The following VWA8 variants were observed in gnomAD, a reference collection of about 807,000 sequenced individuals.
The protein encoded by VWA8 is von Willebrand factor A domain containing 8.
A neutral mutation model predicts 241.5 loss-of-function variants in VWA8; 221 were observed. The ratio of observed to expected loss-of-function variants is 0.91; its 90% CI spans 0.82 to 1.02. The LOEUF (loss-of-function observed/expected upper bound fraction) is 1.02. Among genes scored for constraint, VWA8 ranks in the 50% least tolerant of loss-of-function variants. The probability of loss-of-function intolerance (pLI) is 0.00; values close to 1 mark genes in which losing one functional copy is unlikely to be tolerated. For missense variants in VWA8, 2,322 were observed against 2,328.7 expected, an observed-to-expected ratio of 1.00 and a Z score of 0.06; for synonymous variants, 852 against 827.1, an observed-to-expected ratio of 1.03 and a Z score of -0.52.
intron 2 of VWA8, among the ~76,000 whole-genome samples, chr13:41,945,639 G>A (rs1279597665): frequency 6.6e-6 from 1 of 152,076 alleles, no homozygotes; most frequent in African/African-American, 2.4e-5. Context: ...AAATTAACCA[G>A]AGGGGCTCAA....
intron 37 of VWA8, among the ~76,000 whole-genome samples, chr13:41,647,261 A>G (rs1263427749): frequency 1.3e-5 from 2 of 152,162 alleles, no homozygotes; most frequent in Non-Finnish European, 2.9e-5. Context: ...AGCTTTTGGG[A>G]GACATTTTCT....
intron 20 of VWA8, among the ~76,000 whole-genome samples, chr13:41,771,516 T>C (rs1279856021): frequency 6.6e-6 from 1 of 152,238 alleles, no homozygotes; most frequent in East Asian, 1.9e-4. Context: ...AAAGAGCAAC[T>C]GTCTCTCAAA....
chr13:41,869,361 C>T lies in VWA8; in HGVS notation c.1081-884G>A, dbSNP rs180999504. 4.2e-3 allele frequency among the ~76,000 whole-genome samples: 646 copies of T among 152,158 alleles called. 5 individuals carry two copies. Among genetic ancestry groups the T allele is most frequent in the Middle Eastern group, 0.024 (7 of 294 alleles). On this transcript the variant is annotated intron_variant, in intron 9 of 44. Coordinates refer to ENST00000379310, the MANE Select transcript of VWA8 (RefSeq NM_015058.2). ...TTTAAAAGGCTAGAACCACCAGGCA[C>T]AGTAGCTCATGCCTGTAATCCCAGC...
At position 41,757,295 on chromosome 13, in the gene VWA8, A is replaced by G. The variant is rs1375672073; in HGVS notation, c.2426+3833T>C. Among the ~76,000 whole-genome samples, 14 of 151,752 alleles carry G rather than the reference A, an allele frequency of 9.2e-5. 1 individual carries two copies. The highest frequency in any genetic ancestry group is 9.2e-4 in the Admixed American group (14 of 15,190). On this transcript the variant is annotated intron_variant, in intron 21 of 44. Coordinates refer to ENST00000379310, the MANE Select transcript of VWA8 (RefSeq NM_015058.2). ...GCCTCGTAGTTTTAATATGACAAAT[A>G]CTTAAAAATTTTTTGAGTTGAAAGT...
chr13:41,702,433 T>C (rs964062378), intron 27 of VWA8, among the ~76,000 whole-genome samples: 1 of 152,226 alleles, frequency 6.6e-6, no homozygotes, highest in Non-Finnish European at 1.5e-5. Context: ...GTAGTGGCCA[T>C]CTTCCTGCAG....
intron 29 of VWA8, among the ~76,000 whole-genome samples, chr13:41,696,629 A>AATATGAGCTCTCAT (rs1341275987): frequency 6.6e-6 from 1 of 152,170 alleles, no homozygotes; most frequent in Non-Finnish European, 1.5e-5. Flanking sequence ...CTCATATGTA[A>AATATGAGCTCTCAT]ATGTGGCTGA....
chr13:41,950,731 T>C (rs939165141), intron 1 of VWA8, among the ~76,000 whole-genome samples: 2 of 148,266 alleles, frequency 1.3e-5, no homozygotes, highest in Non-Finnish European at 3.0e-5. Context: ...TGCAGTGATG[T>C]GATCTTGGCT....
Position 41,720,114 on chromosome 13 carries a change from C to G in VWA8, c.2965-372G>C, listed in dbSNP as rs143752910. Among the ~76,000 whole-genome samples the G allele has an allele frequency of 5.1e-4, 77 of 152,062 alleles. 1 individual carries two copies. The East Asian group carries it at 9.1e-3, about 18-fold the overall frequency. On this transcript the variant is annotated intron_variant, in intron 25 of 44. Transcript: ENST00000379310. ...TTATGTAAAGGAGCGTGTTAAATATCTATACTGAAGTTTTCAGAAAAGTCA... is the reference window on the plus strand; with the variant it reads ...TTATGTAAAGGAGCGTGTTAAATATGTATACTGAAGTTTTCAGAAAAGTCA...
At chr13:41,825,047 C>T (rs1871123507) in intron 14 of VWA8, among the ~76,000 whole-genome samples, 1 of 152,142 alleles carries the variant, frequency 6.6e-6, no homozygotes, top group Non-Finnish European at 1.5e-5. Flanking sequence ...TCTCAAGGCA[C>T]AGTTACTAGT....
At chr13:41,946,241 T>A (rs1877844345) in intron 2 of VWA8, among the ~76,000 whole-genome samples, 1 of 151,210 alleles carries the variant, frequency 6.6e-6, no homozygotes, top group African/African-American at 2.4e-5. Flanking sequence ...AATTCACCAC[T>A]AGCAAACCTG....
rs2045813765 is a variant in VWA8, at chr13:41,770,564, A to AAG, written c.2349+7419_2349+7420dup. Among the ~76,000 whole-genome samples the AAG allele has an allele frequency of 2.6e-5, 4 of 152,104 alleles. No homozygotes were observed. In the South Asian group the frequency reaches 8.3e-4, roughly 32 times the overall value. On this transcript the variant is annotated intron_variant, in intron 20 of 44. Coordinates refer to ENST00000379310, the MANE Select transcript of VWA8 (RefSeq NM_015058.2). Reference sequence around the variant, plus strand: ...ATGAAGGGGATTTTATCTGGTAGACAAGATAGAGCCACTTTCACCTTTTAG... The same window carrying AAG: ...ATGAAGGGGATTTTATCTGGTAGACAAGAGATAGAGCCACTTTCACCTTTTAG...
chr13:41,870,506 G>T (rs1316587106), intron 9 of VWA8, among the ~76,000 whole-genome samples: 1 of 152,010 alleles, frequency 6.6e-6, no homozygotes, highest in African/African-American at 2.4e-5. Context: ...GGGCGTGGTG[G>T]CATGTGCCTG....
At chr13:41,801,146 A>G (rs1241003497) in intron 17 of VWA8, among the ~76,000 whole-genome samples, 2 of 133,900 alleles carry the variant, frequency 1.5e-5, no homozygotes, top group South Asian at 4.6e-4. Context: ...TTTTCAATTT[A>G]TTTTTATTTA....
intron 22 of VWA8, among the ~76,000 whole-genome samples, chr13:41,730,315 T>G (rs544154623): frequency 2.0e-5 from 3 of 152,136 alleles, no homozygotes; most frequent in Non-Finnish European, 4.4e-5. Flanking sequence ...AGGGTTTAAC[T>G]GTCAGACCAA....
At chr13:41,661,460 A>G (rs569425142) in intron 37 of VWA8, among the ~76,000 whole-genome samples, 281 of 152,140 alleles carry the variant, frequency 1.8e-3, no homozygotes, top group Non-Finnish European at 3.2e-3. Context: ...AGAACTACTA[A>G]CTCTGCCACT....
chr13:41,750,211 G>A (rs2137891440), intron 21 of VWA8, among the ~76,000 whole-genome samples: 1 of 152,040 alleles, frequency 6.6e-6, no homozygotes. Context: ...GAGGCGGGCA[G>A]ATCACAAGGT....
intron 29 of VWA8, chr13:41,696,193 A>C (rs2045214877): frequency 6.6e-6 from 1 of 152,222 alleles, no homozygotes; most frequent in African/African-American, 2.4e-5. Context: ...CAATATCTGG[A>C]TGTTTATAAA....
chr13:41,688,733 A>G (rs764703681), intron 34 of VWA8, among the ~76,000 whole-genome samples: 2 of 152,124 alleles, frequency 1.3e-5, no homozygotes, highest in Non-Finnish European at 2.9e-5. Flanking sequence ...GGAACAAAAA[A>G]CCAAATATCA....
At chr13:41,610,605 T>C (rs956416444) in intron 39 of VWA8, among the ~76,000 whole-genome samples, 2 of 152,238 alleles carry the variant, frequency 1.3e-5, no homozygotes, top group African/African-American at 4.8e-5. Context: ...AAGCACAGCA[T>C]GTAATGTAAT....
Sources: gnomAD v4.1 joint callset for allele counts (sites outside exome capture counted in the v4.1 genomes callset) on GRCh38, gnomAD v4.1.1 for gene constraint, MANE v1.5 for transcripts, NCBI Gene and HGNC (gene_info 2026-07-23, HGNC 2026-07-21) for gene names.